Variants in CLDN14 observed in about 807,000 individuals in gnomAD.
CLDN14 encodes the protein claudin-14.
A neutral mutation model predicts 2.1 loss-of-function variants in CLDN14; 2 were observed. The observed-to-expected ratio is 0.96, with a 90% CI of 0.39 to 3.01. The LOEUF (loss-of-function observed/expected upper bound fraction) is 3.01, where lower values mean the gene tolerates loss of function less well. Among genes scored for constraint, CLDN14 ranks in the 30% most tolerant of loss-of-function variants. CLDN14 has a pLI of 0.09. For synonymous variants in CLDN14, 136 were observed against 154.4 expected (o/e 0.88, Z 0.88); for missense variants, 298 against 328.0 (o/e 0.91, Z 0.71).
intron 1 of CLDN14, among the ~76,000 whole-genome samples, chr21:36,521,087 A>G (rs541963740): frequency 1.3e-5 from 2 of 152,268 alleles, no homozygotes; most frequent in Admixed American, 6.5e-5. Flanking sequence ...GAAAGAAAAA[A>G]AAATCACTTA....
At chr21:36,511,008 CAAT>C (rs1394646915) in intron 1 of CLDN14, among the ~76,000 whole-genome samples, 1 of 152,170 alleles carries the variant, frequency 6.6e-6, no homozygotes, top group Admixed American at 6.5e-5. Context: ...TGTTTGTCCT[CAAT>C]AAATTAATGT....
intron 1 of CLDN14, among the ~76,000 whole-genome samples, chr21:36,546,681 G>C (rs987983339): frequency 6.6e-6 from 1 of 152,142 alleles, no homozygotes. Flanking sequence ...GGCAAGAAGA[G>C]CAAACATAAT....
At chr21:36,490,657 G>A (rs1204437192) in intron 2 of CLDN14, among the ~76,000 whole-genome samples, 1 of 151,824 alleles carries the variant, frequency 6.6e-6, no homozygotes, top group Non-Finnish European at 1.5e-5. Context: ...CCAAAGTGCT[G>A]GGATTACAGG....
chr21:36,495,508 C>T lies in CLDN14; in HGVS notation c.-82+14855G>A, dbSNP rs190746062. Among the ~76,000 whole-genome samples, 181 of 152,310 alleles carry T rather than the reference C, an allele frequency of 1.2e-3. 2 individuals carry two copies. The highest frequency in any genetic ancestry group is 0.011 in the Admixed American group (166 of 15,288). On this transcript the variant is annotated intron_variant, in intron 2 of 2. Coordinates refer to the CLDN14 transcript ENST00000342108. ...AGGGAATCTGAAATTTTTTGCTACC[C>T]ATTTGAGTTTTGAAGTCTCAGGAAA...
chr21:36,555,695 G>A (rs974569444), intron 1 of CLDN14, among the ~76,000 whole-genome samples: 9 of 152,054 alleles, frequency 5.9e-5, no homozygotes, highest in Admixed American at 6.6e-5. Flanking sequence ...GCCCAAAGAT[G>A]TCTAGGTCCC....
intron 1 of CLDN14, among the ~76,000 whole-genome samples, chr21:36,545,038 G>A (rs2087517608): frequency 1.3e-5 from 2 of 152,158 alleles, no homozygotes; most frequent in African/African-American, 4.8e-5. Flanking sequence ...ATAAACCGCT[G>A]TTCAGCCTCC....
intron 1 of CLDN14, among the ~76,000 whole-genome samples, chr21:36,561,895 G>A (rs929922256): frequency 6.6e-6 from 1 of 151,404 alleles, no homozygotes; most frequent in Non-Finnish European, 1.5e-5. Context: ...CTGGCTCTTG[G>A]TATGCCAGTG....
chr21:36,465,069 G>A (rs2146420111), intron 1 of CLDN14, among the ~76,000 whole-genome samples: 1 of 152,280 alleles, frequency 6.6e-6, no homozygotes, highest in Middle Eastern at 3.4e-3. Context: ...GGGACCTTCA[G>A]GGCTGAAACT....
upstream of CLDN14, among the ~76,000 whole-genome samples, chr21:36,485,017 G>A (rs1268619500): frequency 6.9e-6 from 1 of 144,406 alleles, no homozygotes; most frequent in Non-Finnish European, 1.6e-5. Flanking sequence ...GGGCTGATAA[G>A]GGCCAATTCT....
At chr21:36,506,155 T>C (rs1337068774) in intron 2 of CLDN14, among the ~76,000 whole-genome samples, 3 of 152,246 alleles carry the variant, frequency 2.0e-5, no homozygotes, top group African/African-American at 7.2e-5. Context: ...GTTACATAAC[T>C]ACGGTACATC....
chr21:36,493,666 C>G, intron 2 of CLDN14, among the ~76,000 whole-genome samples: 1 of 152,114 alleles, frequency 6.6e-6, no homozygotes, highest in East Asian at 1.9e-4. Context: ...GTCATAGTCT[C>G]TCTCACAGCT....
chr21:36,525,724 G>A (rs1026522381), intron 1 of CLDN14, among the ~76,000 whole-genome samples: 10 of 152,166 alleles, frequency 6.6e-5, no homozygotes, highest in African/African-American at 1.7e-4. Context: ...CCGAGGCTCT[G>A]CCATTGACCA....
rs544101575 is a variant in CLDN14, at chr21:36,498,791, G to T, written c.-82+11572C>A. ...AGTTCAGGTCTGGGCCCCACTGGCT[G>T]CGTCTGCCTGGACACCATCAGCCCT... On this transcript the variant is annotated intron_variant, in intron 2 of 2. Transcript: ENST00000342108. This position sits in a 1 kb window ranked among gnomAD's most constrained non-coding sequence, Gnocchi z 4.9. 3.3e-4 allele frequency among the ~76,000 whole-genome samples: 51 copies of T among 152,306 alleles called. No individual in the cohort carries two copies. The highest frequency in any genetic ancestry group is 1.1e-3 in the African/African-American group (44 of 41,588).
chr21:36,508,549 T>C (rs973491926), intron 2 of CLDN14, among the ~76,000 whole-genome samples: 1 of 152,128 alleles, frequency 6.6e-6, no homozygotes, highest in African/African-American at 2.4e-5. Context: ...ATCTGACAGA[T>C]GCGTTGGGGG....
In CLDN14 at chr21:36,499,055, A is replaced by T. The variant is rs1356214384; in HGVS notation, c.-82+11308T>A. Among the ~76,000 whole-genome samples, 1 of 152,198 alleles carries T rather than the reference A, an allele frequency of 6.6e-6. No homozygotes were observed. The highest frequency in any genetic ancestry group is 1.5e-5 in the Non-Finnish European group (1 of 68,024). On this transcript the variant is annotated intron_variant, in intron 2 of 2. Coordinates refer to the CLDN14 transcript ENST00000342108. This position sits in a 1 kb window ranked among gnomAD's most constrained non-coding sequence, Gnocchi z 4.7. ...CACATGACAATCACCGATATGACAG[A>T]AGGGTAACCTTTCTGGGGTTGCATC...
At chr21:36,531,683 T>C (rs1437321026) in intron 1 of CLDN14, among the ~76,000 whole-genome samples, 2 of 150,090 alleles carry the variant, frequency 1.3e-5, no homozygotes, top group Admixed American at 1.3e-4. Flanking sequence ...TGGACTTCAG[T>C]CTTTGTCTGT....
At chr21:36,549,284 T>C (rs535254656) in intron 1 of CLDN14, among the ~76,000 whole-genome samples, 1 of 152,078 alleles carries the variant, frequency 6.6e-6, no homozygotes, top group African/African-American at 2.4e-5. Flanking sequence ...ACACTCTCTC[T>C]CTCTCTCTCT....
At chr21:36,576,350 A>ACTCAAGC (rs2087741670) in intron 1 of CLDN14, 1 of 152,190 alleles carries the variant, frequency 6.6e-6, no homozygotes, top group Non-Finnish European at 1.5e-5. Flanking sequence ...GTTGGCAGAA[A>ACTCAAGC]CTCAAGCCTT....
At chr21:36,469,680 C>G (rs1364629739) in intron 1 of CLDN14, among the ~76,000 whole-genome samples, 1 of 152,168 alleles carries the variant, frequency 6.6e-6, no homozygotes, top group Admixed American at 6.5e-5. Context: ...CTAACAGAGG[C>G]TATTTTCAAC....
Sources: allele counts gnomAD v4.1 joint callset (sites outside exome capture counted in the v4.1 genomes callset), GRCh38; gene constraint gnomAD v4.1.1; non-coding constraint Gnocchi (gnomAD v3.1); transcripts MANE v1.5; gene names NCBI Gene and HGNC (gene_info 2026-07-23, HGNC 2026-07-21).